The following R3HDM2 variants were observed in gnomAD, a reference collection of about 807,000 sequenced individuals.
The protein encoded by R3HDM2 is R3H domain containing 2.
In R3HDM2, 38 loss-of-function variants were observed where a neutral mutation model predicts 124.5. That is an observed-to-expected ratio of 0.31 (90% confidence interval 0.24 to 0.40). The LOEUF is 0.40. R3HDM2 is among the 10% of genes least tolerant of loss of function. The probability of loss-of-function intolerance (pLI) is 1.00; values close to 1 mark genes in which losing one functional copy is unlikely to be tolerated. For missense variants in R3HDM2, 869 were observed against 1,236.9 expected, an observed-to-expected ratio of 0.70 and a Z score of 4.46; for synonymous variants, 391 against 448.0, an observed-to-expected ratio of 0.87 and a Z score of 1.61.
intron 14 of R3HDM2, among the ~76,000 whole-genome samples, chr12:57,275,953 C>G (rs778939842): frequency 9.9e-5 from 15 of 152,206 alleles, no homozygotes; most frequent in Non-Finnish European, 2.2e-4. Context: ...CGCAGTGGCT[C>G]ATGCCTGTAA....
intron 1 of R3HDM2, among the ~76,000 whole-genome samples, chr12:57,408,899 T>A (rs1363596508): frequency 6.6e-6 from 1 of 152,056 alleles, no homozygotes; most frequent in Non-Finnish European, 1.5e-5. Flanking sequence ...ATGAATTTTG[T>A]ATACTAATCT....
rs1388828269 is a variant in R3HDM2 at position 57,264,191 on chromosome 12, G to A, written c.2131+2540C>T. 8.1e-5 allele frequency among the ~76,000 whole-genome samples: 12 copies of A among 148,736 alleles called. No homozygotes were observed. The Middle Eastern group carries it at 0.011, about 132-fold the overall frequency. On this transcript the variant is annotated intron_variant, in intron 19 of 23. Transcript: ENST00000402412. ...TGGGAGGCAGAGGCTGCAGTGAGCC[G>A]AGATCACGCCACTGCACTCCAGCCT...
intron 3 of R3HDM2, among the ~76,000 whole-genome samples, chr12:57,307,064 C>A (rs1474712035): frequency 2.0e-5 from 3 of 152,144 alleles, no homozygotes; most frequent in African/African-American, 7.2e-5. Flanking sequence ...TGAGGACTTG[C>A]CCATTCTAAA....
At chr12:57,267,790 G>A (rs546246952) in intron 18 of R3HDM2, among the ~76,000 whole-genome samples, 1 of 152,214 alleles carries the variant, frequency 6.6e-6, no homozygotes, top group Admixed American at 6.5e-5. Flanking sequence ...AGCCCTAGCT[G>A]GAATTTCCTC....
chr12:57,390,620 C>T (rs376242274), intron 2 of R3HDM2, among the ~76,000 whole-genome samples: 112 of 152,178 alleles, frequency 7.4e-4, no homozygotes, highest in South Asian at 6.6e-3. Flanking sequence ...TCACTTGAGC[C>T]CAGGAGTTCG....
chr12:57,277,748 T>G (rs1324028158), intron 14 of R3HDM2, among the ~76,000 whole-genome samples: 1 of 152,174 alleles, frequency 6.6e-6, no homozygotes, highest in Non-Finnish European at 1.5e-5. Context: ...GCACCCAGTC[T>G]CAAAGTTTTT....
At chr12:57,266,498 T>C (rs2042451059) in intron 19 of R3HDM2, among the ~76,000 whole-genome samples, 1 of 152,118 alleles carries the variant, frequency 6.6e-6, no homozygotes, top group Non-Finnish European at 1.5e-5. Context: ...CCTCCCAAAG[T>C]GTTGGGATTA....
intron 2 of R3HDM2, among the ~76,000 whole-genome samples, chr12:57,372,682 T>TA (rs1219647818): frequency 6.6e-6 from 1 of 152,178 alleles, no homozygotes. Flanking sequence ...AATAAGGGAT[T>TA]AAAACTCGAT....
intron 2 of R3HDM2, among the ~76,000 whole-genome samples, chr12:57,352,258 A>AC (rs1178390759): frequency 6.6e-6 from 1 of 151,626 alleles, no homozygotes; most frequent in Non-Finnish European, 1.5e-5. Flanking sequence ...AAAAAAAAAA[A>AC]AAAACAAATC....
At chr12:57,291,497 T>A (rs1257260641) in intron 11 of R3HDM2, among the ~76,000 whole-genome samples, 8 of 150,946 alleles carry the variant, frequency 5.3e-5, no homozygotes, top group African/African-American at 1.9e-4. Flanking sequence ...CTACAAAAAA[T>A]AAAAAAGTTA....
intron 1 of R3HDM2, among the ~76,000 whole-genome samples, chr12:57,415,673 C>T (rs1106766): frequency 0.19 from 28,428 of 151,222 alleles, 3,126 homozygotes; most frequent in Admixed American, 0.28. Flanking sequence ...ACCAAGCAGA[C>T]ATCAATTTAA....
chr12:57,419,720 G>C (rs1276183750), intron 1 of R3HDM2, among the ~76,000 whole-genome samples: 1 of 152,022 alleles, frequency 6.6e-6, no homozygotes, highest in Non-Finnish European at 1.5e-5. Context: ...AGGATTACAG[G>C]TGTAAGCCAC....
Position 57,293,197 on chromosome 12 carries a change from T to C in R3HDM2, c.811-530A>G, listed in dbSNP as rs559912498. On this transcript the variant is annotated intron_variant, in intron 10 of 23. Coordinates refer to ENST00000402412, the MANE Select transcript of R3HDM2 (RefSeq NM_001394031.1). ...ACACACAGCTCAGCAAAGAGGGCCT[T>C]GGAAATGAAATCCCAAGGGCGAAGC... is the stretch of plus-strand genomic sequence containing the variant. Among the ~76,000 whole-genome samples the C allele has an allele frequency of 2.8e-4, 43 of 152,256 alleles. No homozygotes were observed. The South Asian group carries it at 8.5e-3, about 30-fold the overall frequency.
intron 1 of R3HDM2, among the ~76,000 whole-genome samples, chr12:57,426,658 T>C (rs1194943258): frequency 6.6e-6 from 1 of 152,080 alleles, no homozygotes; most frequent in Non-Finnish European, 1.5e-5. Flanking sequence ...CTAGCCACAA[T>C]AAATCTGAGA....
intron 1 of R3HDM2, 146 bp downstream of exon 1, chr12:57,430,574 A>T (rs1176007257): frequency 1.0e-6 from 1 of 983,492 alleles, no homozygotes; most frequent in Non-Finnish European, 1.2e-6. Context: ...CGGCCATCCG[A>T]CCCTGACCCA....
chr12:57,430,507 T>G, intron 1 of R3HDM2: 2 of 444,892 alleles, frequency 4.5e-6, no homozygotes, highest in Non-Finnish European at 5.8e-6. Flanking sequence ...ACCGCCGCCC[T>G]CCGCCCCGCG....
chr12:57,340,826 G>A (rs891413623), intron 2 of R3HDM2, among the ~76,000 whole-genome samples: 42 of 151,380 alleles, frequency 2.8e-4, no homozygotes, highest in African/African-American at 1.0e-3. Context: ...ACTGACCTCT[G>A]CAGCCCTCTA....
chr12:57,369,244 C>G (rs2063024089), intron 2 of R3HDM2, among the ~76,000 whole-genome samples: 2 of 152,114 alleles, frequency 1.3e-5, no homozygotes, highest in South Asian at 4.1e-4. Flanking sequence ...ATTAAGATCT[C>G]TGGGGCAAAC....
chr12:57,430,567 C>T, intron 1 of R3HDM2, 153 bp downstream of exon 1: 2 of 984,942 alleles, frequency 2.0e-6, no homozygotes, highest in African/African-American at 1.7e-5. Context: ...CTTCCCGCGG[C>T]CATCCGACCC....
Sources: allele counts gnomAD v4.1 joint callset (sites outside exome capture counted in the v4.1 genomes callset), GRCh38; gene constraint gnomAD v4.1.1; transcripts MANE v1.5; gene names NCBI Gene and HGNC (gene_info 2026-07-23, HGNC 2026-07-21).